The following BPIFA2 variants were observed in gnomAD, a reference collection of about 807,000 sequenced individuals.
The protein encoded by BPIFA2 is BPI fold containing family A member 2, also known as BPI fold-containing family A member 2.
A neutral mutation model predicts 25.7 loss-of-function variants in BPIFA2; 20 were observed. The ratio of observed to expected loss-of-function variants is 0.78; its 90% confidence interval spans 0.55 to 1.13. The LOEUF (loss-of-function observed/expected upper bound fraction) is 1.13. Ranked by LOEUF, BPIFA2 falls within the 50% of genes most tolerant of loss-of-function variation. The pLI, the probability that BPIFA2 is intolerant of heterozygous loss-of-function variation, is 0.00. For missense variants in BPIFA2, 300 were observed against 298.1 expected (o/e 1.01, Z -0.05); for synonymous variants, 126 against 124.3 (o/e 1.01, Z -0.09).
At chr20:33,167,305 G>A (rs112022829), upstream of BPIFA2, among the ~76,000 whole-genome samples, 9,367 of 152,246 alleles carry the variant, frequency 0.062, 446 homozygotes, top group African/African-American at 0.13. Context: ...GTGCTGTTCC[G>A]GGTTGACACA....
At chr20:33,164,018 T>C (rs898478413), upstream of BPIFA2, among the ~76,000 whole-genome samples, 11 of 152,122 alleles carry the variant, frequency 7.2e-5, no homozygotes, top group Non-Finnish European at 1.6e-4. Context: ...GGAGAGAATA[T>C]GCCTTCTTGC....
At chr20:33,176,508 A>C (rs1436756204) in intron 5 of BPIFA2, among the ~76,000 whole-genome samples, 2 of 152,202 alleles carry the variant, frequency 1.3e-5, no homozygotes, top group Non-Finnish European at 2.9e-5. Context: ...GACCCCTGAA[A>C]ACCAAAGAAA....
chr20:33,164,331 G>A (rs939410809), upstream of BPIFA2, among the ~76,000 whole-genome samples: 2 of 152,158 alleles, frequency 1.3e-5, no homozygotes, highest in African/African-American at 2.4e-5. Context: ...GTGAGAACAG[G>A]GAGCGACCCA....
chr20:33,161,946 A>C (rs1287126689), intron 1 of BPIFA2: 1 of 152,178 alleles, frequency 6.6e-6, no homozygotes, highest in Non-Finnish European at 1.5e-5. Context: ...TCCCGGACGA[A>C]AAGACAAGGA....
At chr20:33,174,544 C>T (rs924899280) in intron 4 of BPIFA2, among the ~76,000 whole-genome samples, 1 of 152,146 alleles carries the variant, frequency 6.6e-6, no homozygotes, top group African/African-American at 2.4e-5. Context: ...GTTGCAGTGA[C>T]CACTACAGAA....
intron 2 of BPIFA2, among the ~76,000 whole-genome samples, chr20:33,171,822 C>G (rs2146452289): frequency 6.6e-6 from 1 of 152,294 alleles, no homozygotes; most frequent in South Asian, 2.1e-4. Context: ...TTGAGGAAGA[C>G]AGTGTGGTGA....
At chr20:33,178,298 G>T in intron 6 of BPIFA2, 70 bp downstream of exon 6, 1 of 1,234,932 alleles carries the variant, frequency 8.1e-7, no homozygotes, top group Non-Finnish European at 1.2e-6. Context: ...TGCAGGCCTG[G>T]CTGTATCCTC....
intron 6 of BPIFA2, among the ~76,000 whole-genome samples, chr20:33,178,448 C>A (rs1030784847): frequency 6.6e-6 from 1 of 152,204 alleles, no homozygotes; most frequent in Admixed American, 6.5e-5. Context: ...AAACTTGAGC[C>A]TCTCACCATA....
intron 1 of BPIFA2, 24 bp from the exon 2 acceptor site, chr20:33,169,107 C>T (rs763715605): frequency 2.5e-6 from 4 of 1,597,366 alleles, no homozygotes; most frequent in South Asian, 2.2e-5. Context: ...AATTCTCACT[C>T]CTGTTCTTCC....
chr20:33,179,155 C>A (rs555931709), intron 6 of BPIFA2, among the ~76,000 whole-genome samples: 1 of 152,026 alleles, frequency 6.6e-6, no homozygotes, highest in Non-Finnish European at 1.5e-5. Flanking sequence ...TCAGGCCAGG[C>A]GCGGTGGCTT....
intron 2 of BPIFA2, 81 bp from the exon 3 acceptor site, chr20:33,172,851 A>G (rs1451109477): frequency 6.9e-7 from 1 of 1,441,484 alleles, no homozygotes; most frequent in East Asian, 2.4e-5. Flanking sequence ...TAACATAGGC[A>G]AACAGTCTTA....
At chr20:33,164,222 C>G (rs771960968), upstream of BPIFA2, among the ~76,000 whole-genome samples, 9 of 152,160 alleles carry the variant, frequency 5.9e-5, no homozygotes, top group Non-Finnish European at 1.2e-4. Context: ...AATAAATGGA[C>G]AGATGACTAG....
intron 4 of BPIFA2, 39 bp from the exon 5 acceptor site, chr20:33,175,368 C>CT (rs755611197): frequency 1.3e-6 from 2 of 1,595,750 alleles, no homozygotes; most frequent in Admixed American, 3.4e-5. Flanking sequence ...CAGGCAGGAA[C>CT]TTCTAGACTT....
intron 1 of BPIFA2, 63 bp from the exon 2 acceptor site, chr20:33,169,063 GGGAAC>G (rs1261000339): frequency 7.6e-7 from 1 of 1,307,640 alleles, no homozygotes; most frequent in African/African-American, 1.5e-5. Context: ...TAAGAGTGAT[GGGAAC>G]TCACTGAAGA....
chr20:33,171,238 A>G (rs1983887286), intron 2 of BPIFA2, among the ~76,000 whole-genome samples: 1 of 152,028 alleles, frequency 6.6e-6, no homozygotes, highest in Non-Finnish European at 1.5e-5. Flanking sequence ...TTCCATATGA[A>G]ATTTAAAGTA....
intron 1 of BPIFA2, among the ~76,000 whole-genome samples, 180 bp downstream of exon 1, chr20:33,168,389 T>G (rs1400253341): frequency 6.6e-6 from 1 of 152,202 alleles, no homozygotes; most frequent in Admixed American, 6.5e-5. Context: ...CACTAAAGAT[T>G]CCATTTCCCT....
chr20:33,180,028 G>C (rs1046427742), intron 7 of BPIFA2, among the ~76,000 whole-genome samples: 1 of 152,002 alleles, frequency 6.6e-6, no homozygotes, highest in Non-Finnish European at 1.5e-5. Flanking sequence ...GACCAGCCTG[G>C]GTGACACGGT....
chr20:33,165,452 A>G (rs1983695217), upstream of BPIFA2, among the ~76,000 whole-genome samples: 1 of 152,190 alleles, frequency 6.6e-6, no homozygotes, highest in African/African-American at 2.4e-5. Flanking sequence ...AGGAGAAGGA[A>G]GGTCAGTGGG....
At chr20:33,177,354 C>CAA (rs57465925) in intron 5 of BPIFA2, among the ~76,000 whole-genome samples, 2,798 of 120,786 alleles carry the variant, frequency 0.023, 74 homozygotes, top group African/African-American at 0.07. Context: ...GACATTGTCT[C>CAA]AAAAAAAAAA....
Sources: gnomAD v4.1 joint callset for allele counts (sites outside exome capture counted in the v4.1 genomes callset) on GRCh38, gnomAD v4.1.1 for gene constraint, MANE v1.5 for transcripts, NCBI Gene and HGNC (gene_info 2026-07-23, HGNC 2026-07-21) for gene names.